The following ZNF398 variants were observed in gnomAD, a reference collection of about 807,000 sequenced individuals.
ZNF398 encodes the protein zinc finger DNA binding protein ZER6.
Under a neutral mutation model 41.9 loss-of-function variants are expected in ZNF398, and 18 were observed. That is an observed-to-expected ratio of 0.43 (90% confidence interval 0.30 to 0.64). The LOEUF is 0.64. ZNF398 is among the 30% of genes least tolerant of loss of function. The probability of loss-of-function intolerance (pLI) is 0.14; values close to 1 mark genes in which losing one functional copy is unlikely to be tolerated. For synonymous variants in ZNF398, 260 were observed against 308.8 expected (o/e 0.84, Z 1.66); for missense variants, 669 against 822.8 (o/e 0.81, Z 2.29).
At chr7:149,176,059 G>A (rs1050550566) in intron 4 of ZNF398, among the ~76,000 whole-genome samples, 11 of 152,222 alleles carry the variant, frequency 7.2e-5, no homozygotes, top group African/African-American at 9.6e-5. Context: ...GGGGCCGGGC[G>A]CGGTGGCTCA....
chr7:149,144,982 T>C (rs891582794), upstream of ZNF398, among the ~76,000 whole-genome samples: 42 of 152,194 alleles, frequency 2.8e-4, no homozygotes, highest in Non-Finnish European at 8.8e-5. Context: ...CTACTCATAT[T>C]GTGAGTCAGA....
chr7:149,148,294 G>A, intron 1 of ZNF398: 1 of 239,310 alleles, frequency 4.2e-6, no homozygotes, highest in Non-Finnish European at 6.8e-6. Flanking sequence ...GTGCGGACCC[G>A]GAGGCTGGAG....
intron 4 of ZNF398, among the ~76,000 whole-genome samples, chr7:149,171,672 TTTA>T (rs1795345784): frequency 6.6e-6 from 1 of 151,810 alleles, no homozygotes; most frequent in Non-Finnish European, 1.5e-5. Flanking sequence ...GGATTTACTT[TTTA>T]TTATTTATTT....
Position 149,148,170 on chromosome 7 carries a change from G to A in ZNF398, c.24+404G>A, listed in dbSNP as rs533679920. 1.1e-4 allele frequency: 21 copies of A among 196,912 alleles called. No individual in the cohort carries two copies. In the Admixed American group the frequency reaches 1.1e-3, roughly 10 times the overall value. The allele number at this position is 196,912 out of a possible 1,614,324, so 12.2% of individuals were successfully genotyped here. ...CACCAGCAATCTGAGCGGTGGCGCG[G>A]GCGGCATTTAAGTGTGCGGAGGCGC... On this transcript the variant is annotated intron_variant, in intron 1 of 5. Coordinates refer to ENST00000475153, the MANE Select transcript of ZNF398 (RefSeq NM_170686.3).
chr7:149,128,405 T>C (rs1585497435), intron 1 of ZNF398, among the ~76,000 whole-genome samples: 1 of 152,116 alleles, frequency 6.6e-6, no homozygotes, highest in Admixed American at 6.6e-5. Context: ...TGTCTCATAG[T>C]GACTGTCTTT....
intron 2 of ZNF398, among the ~76,000 whole-genome samples, chr7:149,157,058 G>A (rs1794995446): frequency 6.6e-6 from 1 of 152,050 alleles, no homozygotes; most frequent in Non-Finnish European, 1.5e-5. Context: ...AACCACGTTA[G>A]GTTTACTGTC....
intron 2 of ZNF398, among the ~76,000 whole-genome samples, chr7:149,136,569 CTTT>C (rs1002540921): frequency 4.1e-4 from 62 of 151,320 alleles, no homozygotes; most frequent in African/African-American, 1.5e-3. Flanking sequence ...CATTTAAGTG[CTTT>C]TTTTTTCTTT....
intron 4 of ZNF398, among the ~76,000 whole-genome samples, chr7:149,176,168 T>C (rs1490588436): frequency 1.3e-5 from 2 of 151,796 alleles, no homozygotes; most frequent in Admixed American, 1.3e-4. Context: ...CCATCTCTAC[T>C]AAAAACAAAA....
Position 149,154,328 on chromosome 7 carries a change from A to C in ZNF398, c.408A>C (p.Gly136=), listed in dbSNP as rs1585518702. 6.2e-7 allele frequency: 1 copy of C among 1,611,444 alleles called. No homozygotes were observed. Among genetic ancestry groups the C allele is most frequent in the South Asian group, 1.1e-5 (1 of 90,858 alleles). The part of the protein sequence containing the change: ...WILRLPPGIK[G]DIPKVPVAFD... ...TGCGGCTCCCTCCAGGTATTAAGGGAGATATCCCAAAGGTAATACCTTCAT... is the reference window on the plus strand; with the variant it reads ...TGCGGCTCCCTCCAGGTATTAAGGGCGATATCCCAAAGGTAATACCTTCAT... Residue 136 remains glycine (G), a synonymous_variant, in exon 2 of 6, where the codon GGA becomes GGC. Coordinates refer to ENST00000475153, the MANE Select transcript of ZNF398 (RefSeq NM_170686.3).
At chr7:149,156,076 G>A (rs1261574165) in intron 2 of ZNF398, among the ~76,000 whole-genome samples, 3 of 152,028 alleles carry the variant, frequency 2.0e-5, no homozygotes, top group East Asian at 3.9e-4. Flanking sequence ...AGGATGGATC[G>A]TAGGGGAAGA....
chr7:149,164,568 A>G (rs1263295762), intron 2 of ZNF398, among the ~76,000 whole-genome samples: 2 of 152,212 alleles, frequency 1.3e-5, no homozygotes, highest in African/African-American at 2.4e-5. Flanking sequence ...AGTGAACTGG[A>G]TGGTTTACTG....
At position 149,178,758 on chromosome 7, in the gene ZNF398, G is replaced by A. The variant is rs1227702696; in HGVS notation, c.886G>A (p.Val296Met). Reference protein sequence around the residue: ...PAAAKDAFSDVAFKSQQSTSM... With the variant: ...PAAAKDAFSDMAFKSQQSTSM... ...AGCAGCAAAGGATGCTTTTTCAGAT[G>A]TGGCTTTCAAAAGCCAGCAGTCTAC... Residue 296 changes from valine (V) to methionine (M), a missense_variant, in exon 6 of 6, where the codon GTG (valine) becomes ATG (methionine). By Grantham distance (21) the Val-to-Met change is conservative (BLOSUM62 1). Coordinates refer to ENST00000475153, the MANE Select transcript of ZNF398 (RefSeq NM_170686.3). The A allele has an allele frequency of 1.9e-6, 3 of 1,614,178 alleles. No homozygotes were observed. Among genetic ancestry groups the A allele is most frequent in the Non-Finnish European group, 1.7e-6 (2 of 1,180,018 alleles).
At chr7:149,174,468 G>A (rs548918978) in intron 4 of ZNF398, among the ~76,000 whole-genome samples, 4 of 152,244 alleles carry the variant, frequency 2.6e-5, no homozygotes, top group African/African-American at 4.8e-5. Flanking sequence ...GATTATGAGC[G>A]TGAGCCACTG....
At chr7:149,134,383 G>A (rs951195859) in intron 2 of ZNF398, among the ~76,000 whole-genome samples, 3 of 150,870 alleles carry the variant, frequency 2.0e-5, no homozygotes, top group South Asian at 2.1e-4. Context: ...GAGCCACCAC[G>A]CTCAGCCCGT....
intron 4 of ZNF398, among the ~76,000 whole-genome samples, chr7:149,169,203 AC>A (rs1181044758): frequency 6.6e-6 from 1 of 151,938 alleles, no homozygotes; most frequent in Admixed American, 6.6e-5. Flanking sequence ...TCATGCCTCA[AC>A]CCCCTGAGTA....
intron 2 of ZNF398, among the ~76,000 whole-genome samples, chr7:149,133,678 T>TATATATATATATATATACAC (rs1483673161): frequency 6.0e-4 from 40 of 67,000 alleles, no homozygotes; most frequent in African/African-American, 2.4e-3. Flanking sequence ...TATATATATA[T>TATATATATATATATATACAC]ACATATATAT....
chr7:149,147,257 C>T (rs1046309370), upstream of ZNF398: 5 of 152,204 alleles, frequency 3.3e-5, no homozygotes, highest in African/African-American at 9.7e-5. This position sits in a 1 kb window ranked among gnomAD's most constrained non-coding sequence, Gnocchi z 5.6. Context: ...GCTGAACCTT[C>T]TCGTGGGAAT....
chr7:149,133,851 AAGCGATTCTCCTGCCTC>A (rs1173289481), intron 2 of ZNF398, among the ~76,000 whole-genome samples: 5 of 149,432 alleles, frequency 3.3e-5, no homozygotes, highest in Non-Finnish European at 7.4e-5. Flanking sequence ...TCCTGCGTTC[AAGCGATTCTCCTGCCTC>A]AGCCTCCCGA....
In ZNF398 at chr7:149,152,992, C is replaced by G. The variant is rs187003488; in HGVS notation, c.25-953C>G. Reference sequence around the variant, plus strand: ...TCTCCTGTCTCAGCCTCCCGAGTAGCTGGTGTTACAGATGTGCACCATCAC... The same window carrying G: ...TCTCCTGTCTCAGCCTCCCGAGTAGGTGGTGTTACAGATGTGCACCATCAC... On this transcript the variant is annotated intron_variant, in intron 1 of 5. Transcript: ENST00000475153. 2.6e-5 allele frequency among the ~76,000 whole-genome samples: 4 copies of G among 151,870 alleles called. No individual in the cohort carries two copies. The East Asian group carries it at 7.7e-4, about 29-fold the overall frequency.
Sources: gnomAD v4.1 joint callset for allele counts (sites outside exome capture counted in the v4.1 genomes callset) on GRCh38, gnomAD v4.1.1 for gene constraint, Gnocchi (gnomAD v3.1) non-coding constraint, MANE v1.5 for transcripts, NCBI Gene and HGNC (gene_info 2026-07-23, HGNC 2026-07-21) for gene names.